The following GRIA2 variants were observed in gnomAD, a reference collection of about 807,000 sequenced individuals.
GRIA2 encodes the protein glutamate receptor 2.
GRIA2 carries 14 observed loss-of-function variants against 97.3 expected under a neutral mutation model. The ratio of observed to expected loss-of-function variants is 0.14; its 90% CI spans 0.10 to 0.23. The LOEUF (loss-of-function observed/expected upper bound fraction) is 0.23. GRIA2 is among the 10% of genes least tolerant of loss of function. The pLI, the probability that GRIA2 is intolerant of heterozygous loss-of-function variation, is 1.00. For missense variants in GRIA2, 558 were observed against 1,069.8 expected (o/e 0.52, Z 6.67); for synonymous variants, 412 against 387.8 (o/e 1.06, Z -0.73).
At chr4:157,309,989 T>C (rs1052706711) in intron 3 of GRIA2, among the ~76,000 whole-genome samples, 2 of 152,046 alleles carry the variant, frequency 1.3e-5, no homozygotes, top group Admixed American at 1.3e-4. Flanking sequence ...ATGACTGTGA[T>C]GTAGGAAAGT....
chr4:157,363,369 C>T, intron 15 of GRIA2, 66 bp from the exon 16 acceptor site: 1 of 1,064,640 alleles, frequency 9.4e-7, no homozygotes, highest in Non-Finnish European at 1.2e-6. Flanking sequence ...TGCCTTTCCT[C>T]TGGATGCATT....
chr4:157,226,777 T>A (rs1729766065), intron 2 of GRIA2, among the ~76,000 whole-genome samples: 1 of 152,184 alleles, frequency 6.6e-6, no homozygotes, highest in Admixed American at 6.5e-5. Context: ...CTGACTTTAA[T>A]ATATGCAAAA....
intron 2 of GRIA2, among the ~76,000 whole-genome samples, chr4:157,258,852 G>C (rs191589806): frequency 6.6e-6 from 1 of 151,958 alleles, no homozygotes; most frequent in African/African-American, 2.4e-5. Context: ...TTGAATTATC[G>C]GGGGCGGGTT....
At position 157,221,788 on chromosome 4, in the gene GRIA2, C is replaced by T; in HGVS notation, c.210C>T (p.Ser70=). 6.2e-7 allele frequency: 1 copy of T among 1,614,060 alleles called. No homozygotes were observed. The highest frequency in any genetic ancestry group is 2.2e-5 in the East Asian group (1 of 44,870). The change falls in exon 2 of 16, where the codon AGC becomes AGT. Residue 70 remains serine (S), a synonymous_variant. Coordinates refer to ENST00000264426, the MANE Select transcript of GRIA2 (RefSeq NM_001083619.3). Reference sequence around the variant, plus strand: ...TCGACAATTTGGAGGTGGCAAACAGCTTCGCAGTCACTAATGCTTGTAAGT... The same window carrying T: ...TCGACAATTTGGAGGTGGCAAACAGTTTCGCAGTCACTAATGCTTGTAAGT... ...PHIDNLEVAN[S]FAVTNAFCSQ... is the part of the protein sequence containing the mutation.
chr4:157,268,687 G>A (rs1291330140), intron 2 of GRIA2, among the ~76,000 whole-genome samples: 1 of 151,642 alleles, frequency 6.6e-6, no homozygotes, highest in Non-Finnish European at 1.5e-5. Flanking sequence ...ATTTGTATTG[G>A]TTTCTTAATC....
chr4:157,316,522 C>G (rs1734326850), intron 4 of GRIA2, among the ~76,000 whole-genome samples: 1 of 151,788 alleles, frequency 6.6e-6, no homozygotes, highest in Admixed American at 6.6e-5. Context: ...TAAGAATGTT[C>G]AAGAGTTAAT....
chr4:157,344,655 T>C (rs1304833848), intron 12 of GRIA2, among the ~76,000 whole-genome samples: 2 of 152,134 alleles, frequency 1.3e-5, no homozygotes, highest in Non-Finnish European at 2.9e-5. Context: ...CCTTTAGTGA[T>C]AGCTTTTTCC....
chr4:157,363,687 C>A lies in GRIA2; in HGVS notation c.*256C>A, dbSNP rs1560785485. On this transcript the variant is annotated 3_prime_UTR_variant, in exon 16 of 16. Coordinates refer to ENST00000264426, the MANE Select transcript of GRIA2 (RefSeq NM_001083619.3). ...TGAGAGGCATCCAGTATCTTGAAGA[C>A]TTTTCTTTCAGCCAAGAATTCTTAA... The A allele has an allele frequency of 1.5e-6, 1 of 671,126 alleles. No homozygotes were observed. The highest frequency in any genetic ancestry group is 3.4e-5 in the East Asian group (1 of 29,228). 41.6% of individuals were successfully genotyped at this position (671,126 alleles called of 1,614,324 possible). A position where few individuals can be genotyped will look rare whatever the true frequency, so the allele number is the denominator to read the frequency against.
intron 6 of GRIA2, among the ~76,000 whole-genome samples, chr4:157,332,143 T>C (rs1424087943): frequency 6.6e-6 from 1 of 152,094 alleles, no homozygotes; most frequent in Non-Finnish European, 1.5e-5. Flanking sequence ...TGTACACATG[T>C]ACCTAGGGCT....
intron 12 of GRIA2, among the ~76,000 whole-genome samples, chr4:157,351,693 G>C (rs919753166): frequency 1.3e-5 from 2 of 152,156 alleles, no homozygotes; most frequent in Non-Finnish European, 2.9e-5. Context: ...CCAAGTGGAG[G>C]AAACTGATTC....
intron 2 of GRIA2, among the ~76,000 whole-genome samples, chr4:157,229,983 T>A (rs1407112674): frequency 6.6e-6 from 1 of 152,164 alleles, no homozygotes; most frequent in Non-Finnish European, 1.5e-5. Context: ...TTATATAAAC[T>A]AAGTATATTC....
intron 14 of GRIA2, chr4:157,362,345 A>T: frequency 2.2e-6 from 1 of 456,016 alleles, no homozygotes; most frequent in South Asian, 1.6e-5. Context: ...TTATGACTCT[A>T]CTAAGCCAGT....
chr4:157,301,793 G>A (rs1239771700), intron 2 of GRIA2, among the ~76,000 whole-genome samples: 1 of 152,144 alleles, frequency 6.6e-6, no homozygotes, highest in Non-Finnish European at 1.5e-5. Context: ...GTTCTAGGTT[G>A]TTAGATTGTG....
At chr4:157,237,085 G>A (rs1003762420) in intron 2 of GRIA2, among the ~76,000 whole-genome samples, 15 of 151,728 alleles carry the variant, frequency 9.9e-5, no homozygotes, top group Non-Finnish European at 1.8e-4. Context: ...ATTTCCCACC[G>A]TAGTTTATTT....
At chr4:157,332,750 T>G (rs1735111154) in intron 6 of GRIA2, 69 bp from the exon 7 acceptor site, 1 of 1,168,856 alleles carries the variant, frequency 8.6e-7, no homozygotes, top group Non-Finnish European at 1.3e-6. Context: ...ACTGCAGTCT[T>G]GATTGCTGGG....
At chr4:157,295,448 T>C (rs1366928093) in intron 2 of GRIA2, among the ~76,000 whole-genome samples, 2 of 152,178 alleles carry the variant, frequency 1.3e-5, no homozygotes, top group African/African-American at 4.8e-5. Flanking sequence ...TTTATTATTC[T>C]TTGCATTTCC....
intron 3 of GRIA2, among the ~76,000 whole-genome samples, chr4:157,311,524 A>T (rs1027273255): frequency 2.6e-5 from 4 of 152,036 alleles, no homozygotes; most frequent in Non-Finnish European, 5.9e-5. Context: ...TTTTTGAAAT[A>T]GTTTTCAACA....
At chr4:157,259,870 C>G (rs575886112) in intron 2 of GRIA2, among the ~76,000 whole-genome samples, 180 of 152,182 alleles carry the variant, frequency 1.2e-3, no homozygotes, top group Middle Eastern at 3.4e-3. Context: ...TGATACTTAA[C>G]TAGATTAGAA....
intron 12 of GRIA2, chr4:157,342,513 G>A: frequency 5.3e-6 from 5 of 937,910 alleles, no homozygotes; most frequent in Middle Eastern, 5.5e-4. Flanking sequence ...ACCATCAGCA[G>A]CTTTTTTTAC....
Sources: gnomAD v4.1 joint callset for allele counts (sites outside exome capture counted in the v4.1 genomes callset) on GRCh38, gnomAD v4.1.1 for gene constraint, MANE v1.5 for transcripts, NCBI Gene and HGNC (gene_info 2026-07-23, HGNC 2026-07-21) for gene names.